The following ITGA6 variants were observed in gnomAD, a reference collection of about 807,000 sequenced individuals.
The protein encoded by ITGA6 is integrin subunit alpha 6, also known as integrin alpha-6.
Under a neutral mutation model 133.6 loss-of-function variants are expected in ITGA6, and 63 were observed. The observed-to-expected ratio is 0.47, with a 90% CI of 0.38 to 0.58. The LOEUF (loss-of-function observed/expected upper bound fraction) is 0.58. Among genes scored for constraint, ITGA6 ranks in the 20% least tolerant of loss-of-function variants. The pLI is 0.00. For missense variants in ITGA6, 1,068 were observed against 1,309.4 expected (o/e 0.82, Z 2.85); for synonymous variants, 434 against 482.0 (o/e 0.90, Z 1.30).
chr2:172,465,441 A>T, intron 1 of ITGA6, 98 bp from the exon 2 acceptor site: 4 of 1,414,484 alleles, frequency 2.8e-6, no homozygotes, highest in Non-Finnish European at 4.0e-6. Context: ...GTGGACTCCT[A>T]GACAAAGAAT....
At chr2:172,503,430 C>T (rs1197724792) in intron 25 of ITGA6, 1 of 152,140 alleles carries the variant, frequency 6.6e-6, no homozygotes, top group African/African-American at 2.4e-5. Flanking sequence ...TAGTGATGCA[C>T]TTCTGAAGTC....
intron 20 of ITGA6, among the ~76,000 whole-genome samples, chr2:172,490,487 T>C (rs1425440770): frequency 6.6e-6 from 1 of 152,270 alleles, no homozygotes; most frequent in Non-Finnish European, 1.5e-5. Context: ...TACTCATCAA[T>C]GTTAAAAATC....
intron 1 of ITGA6, among the ~76,000 whole-genome samples, chr2:172,439,420 A>G (rs1469431894): frequency 2.0e-5 from 3 of 151,862 alleles, no homozygotes; most frequent in Admixed American, 2.0e-4. Context: ...CTTGAGGGAA[A>G]TCTGAGTTCA....
rs1687510675 is a variant in ITGA6, at chr2:172,505,254, T to C, written c.*1186T>C. The C allele has an allele frequency of 6.6e-6, 1 of 152,342 alleles. No individual in the cohort carries two copies. Among genetic ancestry groups the C allele is most frequent in the African/African-American group, 2.4e-5 (1 of 41,466 alleles). The allele number at this position is 152,342 out of a possible 1,614,324, so 9.4% of individuals were successfully genotyped here. Reference sequence around the variant, plus strand: ...TTCATACTGTAACATTCAGGAATTCTTGGAGAAAATGGGTTTATTCACTGA... The same window carrying C: ...TTCATACTGTAACATTCAGGAATTCCTGGAGAAAATGGGTTTATTCACTGA... On this transcript the variant is annotated 3_prime_UTR_variant, in exon 26 of 26. Transcript: ENST00000684293.
intron 13 of ITGA6, among the ~76,000 whole-genome samples, chr2:172,485,951 C>A (rs534865695): frequency 2.4e-4 from 37 of 152,042 alleles, no homozygotes; most frequent in Admixed American, 1.4e-3. Flanking sequence ...CCGAGGCGGG[C>A]AGGTCACTTG....
At chr2:172,457,137 T>C (rs1449248501) in intron 1 of ITGA6, among the ~76,000 whole-genome samples, 1 of 151,740 alleles carries the variant, frequency 6.6e-6, no homozygotes, top group Non-Finnish European at 1.5e-5. Context: ...CTACTAAAAA[T>C]ACAAAAATTA....
In ITGA6 at chr2:172,470,969, T is replaced by C. The variant is rs1251014842; in HGVS notation, c.644-5T>C. The stretch of plus-strand genomic sequence containing the variant: ...TTTGTTGTTTTTACCATTTCATTCC[T>C]TTAGGGATTGTTCGTGTAGAGCAAA... On this transcript the variant is annotated splice_polypyrimidine_tract_variant and splice_region_variant and intron_variant, in intron 4 of 25. Transcript: ENST00000684293. 6.2e-7 allele frequency: 1 copy of C among 1,613,774 alleles called. No homozygotes were observed. The highest frequency in any genetic ancestry group is 2.2e-5 in the East Asian group (1 of 44,904).
At chr2:172,499,356 C>T (rs915327000) in intron 24 of ITGA6, among the ~76,000 whole-genome samples, 56 of 146,226 alleles carry the variant, frequency 3.8e-4, no homozygotes, top group African/African-American at 1.5e-3. Context: ...CAAGGAGATG[C>T]CTTGAAGAAA....
At chr2:172,490,857 T>C in intron 20 of ITGA6, 167 bp from the exon 21 acceptor site, 1 of 608,748 alleles carries the variant, frequency 1.6e-6, no homozygotes, top group South Asian at 1.9e-5. Flanking sequence ...TTTAGAGTGA[T>C]AATACTTGCT....
At chr2:172,453,384 C>G (rs1022117341) in intron 1 of ITGA6, among the ~76,000 whole-genome samples, 1 of 151,936 alleles carries the variant, frequency 6.6e-6, no homozygotes, top group Non-Finnish European at 1.5e-5. Flanking sequence ...AAATATTAGC[C>G]AGGTGTGGTG....
intron 23 of ITGA6, among the ~76,000 whole-genome samples, chr2:172,496,178 T>C (rs1271285638): frequency 2.6e-5 from 4 of 152,236 alleles, no homozygotes; most frequent in African/African-American, 9.6e-5. Flanking sequence ...CCCTGTTTCT[T>C]CTTCCCTTCT....
In ITGA6 at chr2:172,497,502, CAAAAAA is replaced by C. The variant is rs34616494; in HGVS notation, c.2989-460_2989-455del. Among the ~76,000 whole-genome samples the C allele has an allele frequency of 9.4e-3, 842 of 89,522 alleles. 5 individuals are homozygous for C. Among genetic ancestry groups the C allele is most frequent in the Non-Finnish European group, 0.016 (628 of 40,020 alleles). 58.7% of individuals were successfully genotyped at this position (89,522 alleles called of 152,430 possible). On this transcript the variant is annotated intron_variant, in intron 23 of 25. Coordinates refer to ENST00000684293, the MANE Select transcript of ITGA6 (RefSeq NM_000210.4). Reference sequence around the variant, plus strand: ...GGGCAACAGAGTGAGACCCTGTCTCCAAAAAAAAAAAAAAAAAAGTATGATTGTTCT... The same window carrying C: ...GGGCAACAGAGTGAGACCCTGTCTCCAAAAAAAAAAAAGTATGATTGTTCT...
intron 7 of ITGA6, 132 bp from the exon 8 acceptor site, chr2:172,475,463 CAA>C: frequency 2.9e-6 from 2 of 697,482 alleles, no homozygotes; most frequent in Non-Finnish European, 5.2e-6. Context: ...AACTCCATCT[CAA>C]AAAAAACAAA....
At chr2:172,480,981 G>A (rs920443321) in intron 11 of ITGA6, 1 of 152,166 alleles carries the variant, frequency 6.6e-6, no homozygotes, top group Non-Finnish European at 1.5e-5. Flanking sequence ...CCTGGCTCCA[G>A]AGTCAAGGCC....
chr2:172,488,640 ACTCT>A (rs1377070978), intron 19 of ITGA6, among the ~76,000 whole-genome samples: 7 of 152,126 alleles, frequency 4.6e-5, no homozygotes, highest in African/African-American at 1.7e-4. Context: ...AATCACAGTG[ACTCT>A]CTGTCCTGTT....
At position 172,504,420 on chromosome 2, in the gene ITGA6, C is replaced by T. The variant is rs904565740; in HGVS notation, c.*352C>T. On this transcript the variant is annotated 3_prime_UTR_variant, in exon 26 of 26. Transcript: ENST00000684293. ...GTGGATATTGTTACGTAGCCTAAGG[C>T]TCCTGTTTTGCACAGCCAAATTTAA... The T allele has an allele frequency of 3.1e-5, 15 of 479,994 alleles. No homozygotes were observed. Among genetic ancestry groups the T allele is most frequent in the Non-Finnish European group, 4.8e-5 (13 of 273,186 alleles). 29.7% of individuals were successfully genotyped at this position (479,994 alleles called of 1,614,324 possible).
At chr2:172,433,773 G>A (rs1381594654) in intron 1 of ITGA6, among the ~76,000 whole-genome samples, 2 of 152,134 alleles carry the variant, frequency 1.3e-5, no homozygotes, top group Non-Finnish European at 2.9e-5. Context: ...CCACTCTCCA[G>A]TTGAAAAGTG....
At chr2:172,453,023 C>T (rs1033248535) in intron 1 of ITGA6, among the ~76,000 whole-genome samples, 2 of 152,108 alleles carry the variant, frequency 1.3e-5, no homozygotes, top group African/African-American at 4.8e-5. Flanking sequence ...GAGGTGGGCC[C>T]CGTCACAGCA....
intron 20 of ITGA6, chr2:172,490,684 G>A (rs966218943): frequency 1.6e-5 from 5 of 316,442 alleles, no homozygotes; most frequent in East Asian, 8.5e-5. Flanking sequence ...GAACAGAGCT[G>A]GAGGCTAGGG....
Sources: allele counts gnomAD v4.1 joint callset (sites outside exome capture counted in the v4.1 genomes callset), GRCh38; gene constraint gnomAD v4.1.1; transcripts MANE v1.5; gene names NCBI Gene and HGNC (gene_info 2026-07-23, HGNC 2026-07-21).